Variants in TULP3 observed in about 807,000 individuals in gnomAD.
The protein encoded by TULP3 is TUB like protein 3.
In TULP3, 38 loss-of-function variants were observed where a neutral mutation model predicts 50.7. The observed-to-expected ratio is 0.75, with a 90% confidence interval of 0.58 to 0.98. The LOEUF is 0.98. TULP3 is among the 50% of genes least tolerant of loss of function. The pLI is 0.00. For missense variants in TULP3, 550 were observed against 568.0 expected, an observed-to-expected ratio of 0.97 and a Z score of 0.32; for synonymous variants, 183 against 196.6, an observed-to-expected ratio of 0.93 and a Z score of 0.58.
At chr12:2,898,313 G>C (rs1218010661) in intron 1 of TULP3, among the ~76,000 whole-genome samples, 1 of 152,090 alleles carries the variant, frequency 6.6e-6, no homozygotes, top group Admixed American at 6.6e-5. Context: ...TATAGGCCAA[G>C]CCAGGGGTCA....
chr12:2,925,057 A>G (rs925658424), intron 4 of TULP3, among the ~76,000 whole-genome samples: 6 of 151,304 alleles, frequency 4.0e-5, no homozygotes, highest in Non-Finnish European at 8.8e-5. Context: ...AGTCCCAGCT[A>G]CTCGGGAGGT....
chr12:2,900,424 A>G (rs1011728185), intron 1 of TULP3, among the ~76,000 whole-genome samples: 5 of 152,174 alleles, frequency 3.3e-5, no homozygotes, highest in African/African-American at 1.2e-4. Context: ...TTAGTGCAAA[A>G]TTTAAATGTC....
chr12:2,917,193 G>A (rs150979392), intron 2 of TULP3, among the ~76,000 whole-genome samples: 73 of 152,216 alleles, frequency 4.8e-4, no homozygotes, highest in African/African-American at 1.6e-3. Context: ...CTGGGAATAC[G>A]ATACCTAAGA....
intron 2 of TULP3, among the ~76,000 whole-genome samples, chr12:2,914,567 A>G (rs536761261): frequency 6.6e-6 from 1 of 152,326 alleles, no homozygotes; most frequent in African/African-American, 2.4e-5. Flanking sequence ...AGCTTTCCCA[A>G]CACCATTTAT....
Position 2,940,989 on chromosome 12 carries a change from G to T in TULP3, c.*1545G>T. The T allele has an allele frequency of 2.3e-6, 1 of 436,848 alleles. No homozygotes were observed. The highest frequency in any genetic ancestry group is 4.1e-6 in the Non-Finnish European group (1 of 246,510). The allele number at this position is 436,848 out of a possible 1,614,324, so 27.1% of individuals were successfully genotyped here. A position where few individuals can be genotyped will look rare whatever the true frequency, so the allele number is the denominator to read the frequency against. On this transcript the variant is annotated 3_prime_UTR_variant, in exon 11 of 11. Transcript: ENST00000448120. The stretch of plus-strand genomic sequence containing the variant: ...TGGGGAAGGACTTATGGTGGGCCAG[G>T]TGGACCTCATCCTGCTTCTTCCTCC...
rs1399073180 is a variant in TULP3, at chr12:2,920,791, A to G, written c.122A>G (p.Lys41Arg). ...CTACTACTTGAGAAGAGGCAAAGGAAAAAGCGCCTTGAGCCATTTATGGTG... is the reference window on the plus strand; with the variant it reads ...CTACTACTTGAGAAGAGGCAAAGGAGAAAGCGCCTTGAGCCATTTATGGTG... Reference protein sequence around the residue: ...QRLLLEKRQRKKRLEPFMVQP... With the variant: ...QRLLLEKRQRRKRLEPFMVQP... The change falls in exon 3 of 11, where the codon AAA (lysine) becomes AGA (arginine). Residue 41 changes from lysine (K) to arginine (R), a missense_variant. Lys to Arg is a conservative substitution (Grantham distance 26, BLOSUM62 2). Coordinates refer to ENST00000448120, the MANE Select transcript of TULP3 (RefSeq NM_003324.5). The G allele has an allele frequency of 1.2e-6, 2 of 1,614,068 alleles. No individual in the cohort carries two copies. Among genetic ancestry groups the G allele is most frequent in the Non-Finnish European group, 1.7e-6 (2 of 1,180,034 alleles).
chr12:2,916,893 T>G (rs534238860), intron 2 of TULP3, among the ~76,000 whole-genome samples: 1 of 152,336 alleles, frequency 6.6e-6, no homozygotes, highest in South Asian at 2.1e-4. Context: ...TACAGTTGTT[T>G]TTTTCTTAAG....
chr12:2,931,211 A>G lies in TULP3; in HGVS notation c.667A>G (p.Met223Val). The G allele has an allele frequency of 1.9e-6, 3 of 1,614,000 alleles. No homozygotes were observed. Among genetic ancestry groups the G allele is most frequent in the Non-Finnish European group, 2.5e-6 (3 of 1,180,002 alleles). ...MDRGLFPTYY[M>V]YLEKEENQKI... is the part of the protein sequence containing the mutation. ...TCGGGGTCTCTTCCCCACCTACTAT[A>G]TGTACTTGGAAAAAGAAGAAAATCA... The change falls in exon 6 of 11, where the codon ATG (methionine) becomes GTG (valine). Residue 223 changes from methionine (M) to valine (V), a missense_variant. By Grantham distance (21) the Met-to-Val change is conservative. Transcript: ENST00000448120.
intron 2 of TULP3, among the ~76,000 whole-genome samples, chr12:2,919,160 G>A (rs2098190355): frequency 6.6e-6 from 1 of 152,118 alleles, no homozygotes; most frequent in African/African-American, 2.4e-5. Context: ...CCAAAGTGTT[G>A]GGATTACAGG....
intron 1 of TULP3, among the ~76,000 whole-genome samples, chr12:2,893,325 G>GTATT (rs1555110448): frequency 2.2e-5 from 2 of 90,772 alleles, no homozygotes; most frequent in Admixed American, 1.1e-4. Context: ...TGTGTTTAAT[G>GTATT]TGTTTTTTTT....
rs771074689 is a variant in TULP3 at position 2,937,200 on chromosome 12, A to ATTTTTTTT, written c.925-407_925-400dup. On this transcript the variant is annotated intron_variant, in intron 8 of 10. Coordinates refer to ENST00000448120, the MANE Select transcript of TULP3 (RefSeq NM_003324.5). Reference sequence around the variant, plus strand: ...AATAAAATTATTTTTGGTACACCTGATTTTTTTTTTTTTTTTTTTTTTTTT... The same window carrying ATTTTTTTT: ...AATAAAATTATTTTTGGTACACCTGATTTTTTTTTTTTTTTTTTTTTTTTTTTTTTTTT... 4.8e-4 allele frequency among the ~76,000 whole-genome samples: 26 copies of ATTTTTTTT among 54,466 alleles called. 4 individuals are homozygous for ATTTTTTTT. Among genetic ancestry groups the ATTTTTTTT allele is most frequent in the East Asian group, 2.1e-3 (3 of 1,398 alleles). The allele number at this position is 54,466 out of a possible 152,430, so 35.7% of individuals were successfully genotyped here.
intron 1 of TULP3, among the ~76,000 whole-genome samples, chr12:2,904,493 A>G (rs949330735): frequency 6.6e-6 from 1 of 152,144 alleles, no homozygotes; most frequent in Admixed American, 6.6e-5. Context: ...TCATGGCACC[A>G]TGCCCAGCAG....
chr12:2,902,442 G>A (rs1217508344), intron 1 of TULP3, among the ~76,000 whole-genome samples: 1 of 152,196 alleles, frequency 6.6e-6, no homozygotes, highest in Non-Finnish European at 1.5e-5. Flanking sequence ...GAAGGAGCCT[G>A]TTTAGCCTCC....
chr12:2,929,651 C>T (rs1056622810), intron 4 of TULP3, among the ~76,000 whole-genome samples: 3 of 151,812 alleles, frequency 2.0e-5, no homozygotes, highest in African/African-American at 7.3e-5. Flanking sequence ...AGTACAGTGG[C>T]ACAGTCTCGG....
At chr12:2,893,220 C>T (rs531527646) in intron 1 of TULP3, among the ~76,000 whole-genome samples, 2 of 152,120 alleles carry the variant, frequency 1.3e-5, no homozygotes, top group African/African-American at 4.8e-5. Flanking sequence ...GTTTCTCCTG[C>T]CCTCTGTAAT....
At chr12:2,893,750 T>C (rs530095111) in intron 1 of TULP3, among the ~76,000 whole-genome samples, 1 of 152,046 alleles carries the variant, frequency 6.6e-6, no homozygotes, top group Non-Finnish European at 1.5e-5. Flanking sequence ...GTAACTTTTA[T>C]CATGAAGCAG....
rs373807687 is a variant in TULP3, at chr12:2,922,855, A to AT, written c.394+469dup. On this transcript the variant is annotated intron_variant, in intron 4 of 10. Transcript: ENST00000448120. The stretch of plus-strand genomic sequence containing the variant: ...GTCTTCTTTCCTTTTTAGAAAAATA[A>AT]TTTTTTTTTTTTTTTTGAGACAAAG... Among the ~76,000 whole-genome samples, 999 of 136,758 alleles carry AT rather than the reference A, an allele frequency of 7.3e-3. 26 individuals carry two copies. Among genetic ancestry groups the AT allele is most frequent in the African/African-American group, 0.022 (799 of 36,192 alleles). 89.7% of individuals were successfully genotyped at this position (136,758 alleles called of 152,430 possible). A position where few individuals can be genotyped will look rare whatever the true frequency, so the allele number is the denominator to read the frequency against.
At position 2,940,773 on chromosome 12, in the gene TULP3, G is replaced by A. The variant is rs372606854; in HGVS notation, c.*1329G>A. 3.2e-5 allele frequency: 47 copies of A among 1,480,770 alleles called. No individual in the cohort carries two copies. The African/African-American group carries it at 5.2e-4, about 16-fold the overall frequency. 91.7% of individuals were successfully genotyped at this position (1,480,770 alleles called of 1,614,324 possible). On this transcript the variant is annotated 3_prime_UTR_variant, in exon 11 of 11. Coordinates refer to ENST00000448120, the MANE Select transcript of TULP3 (RefSeq NM_003324.5). ...CGGGACCCTTGGCTTGTCCCCCACCGACAAGTCCCACCTGCTGGGTGAGGA... is the reference window on the plus strand; with the variant it reads ...CGGGACCCTTGGCTTGTCCCCCACCAACAAGTCCCACCTGCTGGGTGAGGA...
chr12:2,906,670 C>T (rs1006724235), intron 1 of TULP3, among the ~76,000 whole-genome samples: 23 of 151,144 alleles, frequency 1.5e-4, no homozygotes, highest in African/African-American at 5.6e-4. Context: ...AATCTCAGCA[C>T]TTTTGGAGGC....
Sources: allele counts gnomAD v4.1 joint callset (sites outside exome capture counted in the v4.1 genomes callset), GRCh38; gene constraint gnomAD v4.1.1; transcripts MANE v1.5; gene names NCBI Gene and HGNC (gene_info 2026-07-23, HGNC 2026-07-21).